RALGPS2: variants seen among roughly 807,000 people sequenced by gnomAD.
RALGPS2 encodes the protein Ral GEF with PH domain and SH3 binding motif 2.
RALGPS2 carries 43 observed loss-of-function variants against 86.8 expected under a neutral mutation model. The ratio of observed to expected loss-of-function variants is 0.50; its 90% CI spans 0.39 to 0.64. The LOEUF is 0.64. Ranked by LOEUF, RALGPS2 falls within the 30% of genes least tolerant of loss-of-function variation. The pLI is 0.00. For missense variants in RALGPS2, 536 were observed against 694.6 expected (o/e 0.77, Z 2.57); for synonymous variants, 243 against 231.3 (o/e 1.05, Z -0.46).
At chr1:178,758,787 A>T (rs1439449322) in intron 1 of RALGPS2, among the ~76,000 whole-genome samples, 1 of 152,070 alleles carries the variant, frequency 6.6e-6, no homozygotes, top group African/African-American at 2.4e-5. Context: ...TATTTTCTTT[A>T]TCCATACGTT....
intron 14 of RALGPS2, among the ~76,000 whole-genome samples, chr1:178,890,876 G>A (rs536010624): frequency 1.6e-4 from 25 of 151,726 alleles, no homozygotes; most frequent in African/African-American, 5.5e-4. Context: ...GTTCATTTGG[G>A]TTTGCCTGAA....
intron 13 of RALGPS2, among the ~76,000 whole-genome samples, chr1:178,886,785 T>C (rs1659502144): frequency 1.3e-5 from 2 of 151,790 alleles, no homozygotes; most frequent in Non-Finnish European, 2.9e-5. Context: ...ATCAGTGAAG[T>C]AAGGGGAAAA....
At chr1:178,896,397 G>A (rs1393860924) in intron 16 of RALGPS2, among the ~76,000 whole-genome samples, 1 of 151,946 alleles carries the variant, frequency 6.6e-6, no homozygotes, top group African/African-American at 2.4e-5. Flanking sequence ...TTTGTATAAT[G>A]GTGGTAGAGG....
rs769062978 is a variant in RALGPS2, at chr1:178,845,101, CA to C, written c.607+11567del. Among the ~76,000 whole-genome samples, 700 of 85,522 alleles carry C rather than the reference CA, an allele frequency of 8.2e-3. 4 individuals carry two copies. Among genetic ancestry groups the C allele is most frequent in the African/African-American group, 0.022 (524 of 24,324 alleles). The allele number at this position is 85,522 out of a possible 152,430, so 56.1% of individuals were successfully genotyped here. A position where few individuals can be genotyped will look rare whatever the true frequency, so the allele number is the denominator to read the frequency against. ...TGGGTGACAGAGCAAGACTCCATCTCAAAAAAAAAAAAAAAACCATATTTTT... is the reference window on the plus strand; with the variant it reads ...TGGGTGACAGAGCAAGACTCCATCTCAAAAAAAAAAAAAAACCATATTTTT... On this transcript the variant is annotated intron_variant, in intron 8 of 19. Transcript: ENST00000367635.
intron 8 of RALGPS2, chr1:178,853,079 A>G: frequency 6.9e-7 from 1 of 1,444,298 alleles, no homozygotes; most frequent in Non-Finnish European, 9.1e-7. Flanking sequence ...GTGAGCTTCC[A>G]TTTTAGTTGG....
Position 178,784,538 on chromosome 1 carries a change from C to T in RALGPS2, c.162+16C>T, listed in dbSNP as rs370074082. The T allele has an allele frequency of 6.5e-7, 1 of 1,538,330 alleles. No homozygotes were observed. Among genetic ancestry groups the T allele is most frequent in the Middle Eastern group, 1.7e-4 (1 of 5,790 alleles). Reference sequence around the variant, plus strand: ...AGAATATGCGGTAAGCCTCCTACCTCTGTCTTCTCCGGTTTTGCACATAAT... The same window carrying T: ...AGAATATGCGGTAAGCCTCCTACCTTTGTCTTCTCCGGTTTTGCACATAAT... On this transcript the variant is annotated intron_variant, in intron 3 of 19. Transcript: ENST00000367635.
At chr1:178,849,936 G>T (rs1426764372) in intron 8 of RALGPS2, 3 of 152,282 alleles carry the variant, frequency 2.0e-5, no homozygotes, top group Admixed American at 1.3e-4. Flanking sequence ...ATATATTAAG[G>T]CAAGGTCACC....
At chr1:178,865,836 C>A in intron 8 of RALGPS2, 12 of 1,297,374 alleles carry the variant, frequency 9.2e-6, no homozygotes, top group Admixed American at 9.2e-5. Context: ...GGAGAAAAAG[C>A]AAAAAGAATT....
intron 5 of RALGPS2, among the ~76,000 whole-genome samples, chr1:178,809,526 TA>T (rs949446579): frequency 2.7e-5 from 4 of 150,870 alleles, no homozygotes; most frequent in Admixed American, 6.6e-5. Context: ...AGAAATACAT[TA>T]AAAAAAAACA....
At chr1:178,808,211 A>G in intron 5 of RALGPS2, 83 bp downstream of exon 5, 2 of 961,646 alleles carry the variant, frequency 2.1e-6, no homozygotes. Flanking sequence ...TTAACTTTTT[A>G]CATCAGTTCT....
rs1660833379 is a variant in RALGPS2 at position 178,916,827 on chromosome 1, A to G, written c.*468A>G. ...AGGAGCTGGTTTTGAACCGAGGTGA[A>G]GAGACTTAGCAGGGATTGTACCAGC... On this transcript the variant is annotated 3_prime_UTR_variant, in exon 20 of 20. Transcript: ENST00000367635. The G allele has an allele frequency of 6.5e-6, 1 of 154,030 alleles. No homozygotes were observed. The allele number at this position is 154,030 out of a possible 1,614,324, so 9.5% of individuals were successfully genotyped here.
At chr1:178,863,413 T>C (rs1472251103) in intron 8 of RALGPS2, among the ~76,000 whole-genome samples, 1 of 152,170 alleles carries the variant, frequency 6.6e-6, no homozygotes, top group Non-Finnish European at 1.5e-5. Context: ...CAGTGTAATA[T>C]CATATAGAAA....
At chr1:178,759,762 C>T (rs1055204200) in intron 1 of RALGPS2, among the ~76,000 whole-genome samples, 3 of 151,814 alleles carry the variant, frequency 2.0e-5, no homozygotes, top group Non-Finnish European at 2.9e-5. Flanking sequence ...CAATTTCTTT[C>T]ATCAGTGTTT....
At chr1:178,798,786 T>C (rs1654324415) in intron 4 of RALGPS2, among the ~76,000 whole-genome samples, 1 of 152,200 alleles carries the variant, frequency 6.6e-6, no homozygotes, top group East Asian at 1.9e-4. Context: ...TAAGAAAGTA[T>C]ACCCATAGCC....
intron 1 of RALGPS2, among the ~76,000 whole-genome samples, chr1:178,751,704 GT>G (rs1651691818): frequency 6.6e-6 from 1 of 152,152 alleles, no homozygotes; most frequent in Non-Finnish European, 1.5e-5. Context: ...GCAGGAAGGA[GT>G]AAGTGTATCT....
At chr1:178,898,143 A>G (rs748731746) in intron 17 of RALGPS2, among the ~76,000 whole-genome samples, 1 of 152,056 alleles carries the variant, frequency 6.6e-6, no homozygotes, top group African/African-American at 2.4e-5. Context: ...ATCAATTACA[A>G]CAGTTACTGC....
intron 1 of RALGPS2, chr1:178,747,082 T>C (rs1651378653): frequency 1.1e-6 from 1 of 876,130 alleles, no homozygotes; most frequent in South Asian, 1.4e-5. Context: ...TAAGACCCAT[T>C]TGGAATTTTC....
intron 1 of RALGPS2, among the ~76,000 whole-genome samples, chr1:178,767,358 C>CTTTTTTT (rs1159630163): frequency 2.0e-4 from 14 of 70,450 alleles, no homozygotes; most frequent in South Asian, 6.4e-4. Context: ...TGTCCTTTGG[C>CTTTTTTT]TTTTTTTTTT....
At chr1:178,894,520 A>G (rs1381596105) in intron 16 of RALGPS2, among the ~76,000 whole-genome samples, 5 of 152,050 alleles carry the variant, frequency 3.3e-5, no homozygotes, top group Admixed American at 6.6e-5. Flanking sequence ...AGGGTAGCAC[A>G]TATAGTGTGG....
Sources: allele counts gnomAD v4.1 joint callset (sites outside exome capture counted in the v4.1 genomes callset), GRCh38; gene constraint gnomAD v4.1.1; transcripts MANE v1.5; gene names NCBI Gene and HGNC (gene_info 2026-07-23, HGNC 2026-07-21).